ATG5: variants seen among roughly 807,000 people sequenced by gnomAD.
The protein encoded by ATG5 is autophagy related 5.
A neutral mutation model predicts 36.5 loss-of-function variants in ATG5; 14 were observed. That is an observed-to-expected ratio of 0.38 (90% CI 0.25 to 0.60). The LOEUF is 0.60. Among genes scored for constraint, ATG5 ranks in the 20% least tolerant of loss-of-function variants. The pLI, the probability that ATG5 is intolerant of heterozygous loss-of-function variation, is 0.60. For missense variants in ATG5, 195 were observed against 326.7 expected, an observed-to-expected ratio of 0.60 and a Z score of 3.11; for synonymous variants, 95 against 101.5, an observed-to-expected ratio of 0.94 and a Z score of 0.38.
At chr6:106,246,149 T>C (rs982633218) in intron 6 of ATG5, among the ~76,000 whole-genome samples, 1 of 152,182 alleles carries the variant, frequency 6.6e-6, no homozygotes, top group Non-Finnish European at 1.5e-5. Flanking sequence ...AGGAAAGTTA[T>C]GTAGGTCAAA....
At chr6:106,259,160 A>G (rs1321389825) in intron 5 of ATG5, among the ~76,000 whole-genome samples, 1 of 152,190 alleles carries the variant, frequency 6.6e-6, no homozygotes, top group Non-Finnish European at 1.5e-5. Flanking sequence ...TCACTGCAAA[A>G]CAAGTTGGCT....
chr6:106,304,324 A>G (rs1770345496), intron 3 of ATG5: 1 of 152,200 alleles, frequency 6.6e-6, no homozygotes, highest in Non-Finnish European at 1.5e-5. Flanking sequence ...CATTCAGAAA[A>G]CAAAATTAAT....
At chr6:106,188,181 T>C (rs944151484) in intron 7 of ATG5, among the ~76,000 whole-genome samples, 1 of 152,192 alleles carries the variant, frequency 6.6e-6, no homozygotes, top group Non-Finnish European at 1.5e-5. Context: ...TTTTTAAACA[T>C]TGGTATTGAA....
At position 106,253,539 on chromosome 6, in the gene ATG5, T is replaced by G. The variant is rs1036876928; in HGVS notation, c.479-5295A>C. On this transcript the variant is annotated intron_variant, in intron 5 of 7. Transcript: ENST00000369076. ...TTACCCTACAAAGTAAGTGCCACAG[T>G]CTTAGAAAATTGGCATCAAGAACAG... Among the ~76,000 whole-genome samples the G allele has an allele frequency of 5.9e-5, 9 of 152,172 alleles. 1 individual carries two copies. The highest frequency in any genetic ancestry group is 5.2e-4 in the Admixed American group (8 of 15,284).
At chr6:106,324,633 G>A (rs1771222155) in intron 1 of ATG5, among the ~76,000 whole-genome samples, 1 of 152,204 alleles carries the variant, frequency 6.6e-6, no homozygotes, top group Non-Finnish European at 1.5e-5. Context: ...CACTTGAGGT[G>A]TGTGCACTAT....
intron 7 of ATG5, among the ~76,000 whole-genome samples, chr6:106,191,532 A>G (rs558261170): frequency 6.6e-6 from 1 of 152,248 alleles, no homozygotes; most frequent in Non-Finnish European, 1.5e-5. Context: ...TGAATTCTCA[A>G]GCAATTCACT....
At chr6:106,224,797 C>T (rs1430828904) in intron 6 of ATG5, among the ~76,000 whole-genome samples, 1 of 152,188 alleles carries the variant, frequency 6.6e-6, no homozygotes, top group African/African-American at 2.4e-5. Flanking sequence ...AGGAGAATCG[C>T]TTGAACCCGG....
chr6:106,198,392 A>G (rs910002188), intron 7 of ATG5, among the ~76,000 whole-genome samples: 3 of 152,190 alleles, frequency 2.0e-5, no homozygotes, highest in Non-Finnish European at 2.9e-5. Context: ...ATAAGAAAAA[A>G]AGTTTTAGTT....
At chr6:106,193,426 T>C (rs898791946) in intron 7 of ATG5, among the ~76,000 whole-genome samples, 4 of 152,190 alleles carry the variant, frequency 2.6e-5, no homozygotes, top group African/African-American at 9.6e-5. Flanking sequence ...TATTAATTCT[T>C]TCATTGACTT....
At chr6:106,255,864 A>T (rs1422284244) in intron 5 of ATG5, among the ~76,000 whole-genome samples, 5 of 152,212 alleles carry the variant, frequency 3.3e-5, no homozygotes, top group Non-Finnish European at 4.4e-5. Flanking sequence ...AGGACTAATT[A>T]TCTAAATGTA....
At chr6:106,290,254 ATTTTATTTAT>A (rs1205613877) in intron 4 of ATG5, among the ~76,000 whole-genome samples, 1 of 143,614 alleles carries the variant, frequency 7.0e-6, no homozygotes, top group Non-Finnish European at 1.5e-5. Context: ...ATTTTATTTT[ATTTTATTTAT>A]TTTATTTTAT....
intron 5 of ATG5, among the ~76,000 whole-genome samples, chr6:106,251,027 A>T (rs1475515292): frequency 1.3e-5 from 2 of 152,270 alleles, no homozygotes; most frequent in Non-Finnish European, 2.9e-5. Flanking sequence ...AGCCTGGCCC[A>T]GGGTTAACCA....
intron 3 of ATG5, among the ~76,000 whole-genome samples, chr6:106,302,491 G>T (rs1770258357): frequency 6.6e-6 from 1 of 151,960 alleles, no homozygotes; most frequent in African/African-American, 2.4e-5. Flanking sequence ...AAAAGTAATA[G>T]TATTAAAAGC....
chr6:106,276,768 A>T (rs1205641841), intron 5 of ATG5, among the ~76,000 whole-genome samples: 4 of 152,260 alleles, frequency 2.6e-5, no homozygotes, highest in Middle Eastern at 3.4e-3. Context: ...TCTTTACACG[A>T]TCCTCATCTT....
chr6:106,292,777 T>C (rs530097566), intron 4 of ATG5, among the ~76,000 whole-genome samples: 11 of 152,264 alleles, frequency 7.2e-5, no homozygotes, highest in African/African-American at 2.4e-4. Flanking sequence ...GCCCAAAAAC[T>C]CGTAAATTTT....
chr6:106,287,426 G>A (rs901389799), intron 4 of ATG5, among the ~76,000 whole-genome samples: 1 of 152,198 alleles, frequency 6.6e-6, no homozygotes, highest in Non-Finnish European at 1.5e-5. Flanking sequence ...CCTAACTTGT[G>A]TTATCTCTGG....
intron 6 of ATG5, among the ~76,000 whole-genome samples, chr6:106,247,157 G>C (rs1204884164): frequency 6.6e-6 from 1 of 151,998 alleles, no homozygotes; most frequent in African/African-American, 2.4e-5. Context: ...AAGACTGTGG[G>C]ATACTAAAAA....
chr6:106,321,998 T>A (rs1158090690), intron 1 of ATG5, among the ~76,000 whole-genome samples: 1 of 152,196 alleles, frequency 6.6e-6, no homozygotes, highest in African/African-American at 2.4e-5. Flanking sequence ...TAGTCGCACT[T>A]TAAATTCGGC....
chr6:106,270,498 G>A (rs1779415033), intron 5 of ATG5, among the ~76,000 whole-genome samples: 1 of 152,104 alleles, frequency 6.6e-6, no homozygotes, highest in Admixed American at 6.5e-5. Flanking sequence ...TAAATGAGGT[G>A]GCTCCATATT....
Sources: gnomAD v4.1 joint callset for allele counts (sites outside exome capture counted in the v4.1 genomes callset) on GRCh38, gnomAD v4.1.1 for gene constraint, MANE v1.5 for transcripts, NCBI Gene and HGNC (gene_info 2026-07-23, HGNC 2026-07-21) for gene names.